Variants in BSN observed in about 807,000 individuals in gnomAD.
BSN encodes bassoon presynaptic cytomatrix protein.
In BSN, 57 loss-of-function variants were observed where a neutral mutation model predicts 264.8. The observed-to-expected ratio is 0.22, with a 90% CI of 0.17 to 0.27. BSN has a LOEUF of 0.27. Among genes scored for constraint, BSN ranks in the 10% least tolerant of loss-of-function variants. The probability of loss-of-function intolerance (pLI) is 1.00; values close to 1 mark genes in which losing one functional copy is unlikely to be tolerated. For missense variants in BSN, 4,615 were observed against 5,232.5 expected (o/e 0.88, Z 3.64); for synonymous variants, 2,059 against 2,137.3 (o/e 0.96, Z 1.01).
intron 1 of BSN, among the ~76,000 whole-genome samples, chr3:49,622,963 C>A (rs2052316601): frequency 1.3e-5 from 2 of 152,110 alleles, no homozygotes; most frequent in Non-Finnish European, 2.9e-5. Flanking sequence ...TGGTTGATGA[C>A]AGGAATGTTA....
Position 49,653,639 on chromosome 3 carries a change from C to T in BSN, c.4083C>T (p.Ala1361=), listed in dbSNP as rs199816785. ...QDPLKLHSSP[A]SPSSASKEIG... ...CCCTCAAGCTGCACAGCTCTCCTGC[C>T]TCCCCCAGCTCAGCCTCCAAGGAGA... is the stretch of plus-strand genomic sequence containing the variant. The change falls in exon 5 of 12, where the codon GCC becomes GCT. Residue 1361 remains alanine, a synonymous_variant. Transcript: ENST00000296452. The surrounding 1 kb of genome is among the most constrained non-coding windows in gnomAD (Gnocchi z 6.3). 317 of 1,613,818 alleles carry T rather than the reference C, an allele frequency of 2.0e-4. 1 individual carries two copies. In the South Asian group the frequency reaches 2.5e-3, roughly 13 times the overall value.
chr3:49,665,002 G>A, intron 10 of BSN, 149 bp downstream of exon 10: 1 of 661,076 alleles, frequency 1.5e-6, no homozygotes, highest in South Asian at 1.8e-5. Flanking sequence ...TCCCTTCTCT[G>A]AATGTGGGAG....
At position 49,625,689 on chromosome 3, in the gene BSN, A is replaced by G. The variant is rs888771602; in HGVS notation, c.633+306A>G. 5.9e-5 allele frequency among the ~76,000 whole-genome samples: 9 copies of G among 152,216 alleles called. No homozygotes were observed. The highest frequency in any genetic ancestry group is 1.3e-4 in the Admixed American group (2 of 15,282). On this transcript the variant is annotated intron_variant, in intron 2 of 11. Transcript: ENST00000296452. The surrounding 1 kb of genome is among the most constrained non-coding windows in gnomAD (Gnocchi z 4.4). ...ATGGCCTTCGAGAGGACCAAAGACA[A>G]TCTTATGAACAATTTTTCCCAATGG...
At chr3:49,587,979 T>C (rs2051949734) in intron 1 of BSN, among the ~76,000 whole-genome samples, 1 of 149,538 alleles carries the variant, frequency 6.7e-6, no homozygotes, top group Non-Finnish European at 1.5e-5. Flanking sequence ...TGGAGTGCAG[T>C]GGCGCAATCT....
intron 1 of BSN, among the ~76,000 whole-genome samples, chr3:49,570,657 A>T (rs2051788546): frequency 2.0e-5 from 3 of 152,126 alleles, no homozygotes; most frequent in Admixed American, 2.0e-4. Context: ...AAACAAAGAA[A>T]AACCTCTACA....
rs1490968470 is a variant in BSN, at chr3:49,657,738, G to C, written c.8182G>C (p.Gly2728Arg). 1.3e-6 allele frequency: 2 copies of C among 1,548,812 alleles called. No homozygotes were observed. The highest frequency in any genetic ancestry group is 2.7e-5 in the African/African-American group (2 of 73,310). ...CQTEPDGQAQ[G>R]VAGPQLVGPT... ...GACGGAGCCAGATGGGCAGGCCCAGGGTGTAGCCGGGCCGCAGCTTGTAGG... is the reference window on the plus strand; with the variant it reads ...GACGGAGCCAGATGGGCAGGCCCAGCGTGTAGCCGGGCCGCAGCTTGTAGG... The change falls in exon 5 of 12, where the codon GGT becomes CGT. Residue 2728 changes from glycine to arginine, a missense_variant. Gly to Arg is a moderately radical substitution (Grantham distance 125). Coordinates refer to ENST00000296452, the MANE Select transcript of BSN (RefSeq NM_003458.4).
chr3:49,578,504 T>C (rs2051865191), intron 1 of BSN, among the ~76,000 whole-genome samples: 1 of 151,806 alleles, frequency 6.6e-6, no homozygotes, highest in Admixed American at 6.6e-5. Flanking sequence ...GCCTCCTGGG[T>C]TCACGCCATT....
At chr3:49,568,006 G>A (rs1353294086) in intron 1 of BSN, among the ~76,000 whole-genome samples, 1 of 152,176 alleles carries the variant, frequency 6.6e-6, no homozygotes, top group Non-Finnish European at 1.5e-5. Context: ...TCCAAGGGTG[G>A]GGAGAGGGCA....
intron 1 of BSN, among the ~76,000 whole-genome samples, chr3:49,601,812 T>C (rs2052075057): frequency 1.3e-5 from 2 of 152,342 alleles, no homozygotes; most frequent in South Asian, 2.1e-4. Flanking sequence ...GAGGTAGTTA[T>C]TAGATTTCTG....
chr3:49,606,330 T>TATTATATATATTAAA (rs1559603764), intron 1 of BSN, among the ~76,000 whole-genome samples: 11 of 50,510 alleles, frequency 2.2e-4, no homozygotes, highest in African/African-American at 5.3e-4. Flanking sequence ...TAAAAATATA[T>TATTATATATATTAAA]ATATATTTTT....
chr3:49,652,896 G>T lies in BSN; in HGVS notation c.3340G>T (p.Glu1114Ter). 1 of 1,609,626 alleles carries T rather than the reference G, an allele frequency of 6.2e-7. No individual in the cohort carries two copies. The change falls in exon 5 of 12, where the codon GAG becomes TAG. Residue 1114 changes from glutamate to a stop codon, truncating the protein, a stop_gained. Coordinates refer to ENST00000296452, the MANE Select transcript of BSN (RefSeq NM_003458.4). LOFTEE classifies it high-confidence loss of function. ...GACGGAGGAGCTGAGGCAGGCGGCC[G>T]AGATGGAGGAGCTACACCGCTCCTC... ...SPTEELRQAA[E>*]MEELHRSSCS...
chr3:49,579,969 T>C (rs2051882482), intron 1 of BSN, among the ~76,000 whole-genome samples: 1 of 152,208 alleles, frequency 6.6e-6, no homozygotes, highest in Admixed American at 6.5e-5. Flanking sequence ...TTATATTAAA[T>C]CCTTTCTATA....
intron 1 of BSN, among the ~76,000 whole-genome samples, chr3:49,578,683 G>C (rs904488440): frequency 2.0e-5 from 3 of 151,974 alleles, no homozygotes; most frequent in Non-Finnish European, 4.4e-5. Context: ...TGGGATTACA[G>C]GTGTGAACCA....
At chr3:49,664,967 G>A (rs2052701427) in intron 10 of BSN, 114 bp downstream of exon 10, 1 of 783,836 alleles carries the variant, frequency 1.3e-6, no homozygotes, top group Admixed American at 2.0e-5. Context: ...GTCTTCGGCT[G>A]GTTCAGTACC....
At chr3:49,573,286 C>G (rs992390232) in intron 1 of BSN, among the ~76,000 whole-genome samples, 2 of 152,134 alleles carry the variant, frequency 1.3e-5, no homozygotes, top group Admixed American at 6.5e-5. Flanking sequence ...GTCAAGCCTT[C>G]TAGGCAGGTG....
At chr3:49,626,049 A>T (rs2052339514) in intron 2 of BSN, among the ~76,000 whole-genome samples, 1 of 152,150 alleles carries the variant, frequency 6.6e-6, no homozygotes, top group South Asian at 2.1e-4. Context: ...CTGTAGGACC[A>T]TTTCTGTGAG....
In BSN at chr3:49,651,997, A is replaced by C. The variant is rs745907472; in HGVS notation, c.2441A>C (p.Tyr814Ser). ...TTTGGCAGCCAATTGAGGCACGACT[A>C]TGTGGAGGACAGCAGTGAGGGTGGC... ...DDFGSQLRHD[Y>S]VEDSSEGGLS... The change falls in exon 5 of 12, where the codon TAT becomes TCT. Residue 814 changes from tyrosine (Y) to serine (S), a missense_variant. By Grantham distance (144) the Tyr-to-Ser change is moderately radical (BLOSUM62 -2). Transcript: ENST00000296452. The surrounding 1 kb of genome is among the most constrained non-coding windows in gnomAD (Gnocchi z 5.4). 1.2e-6 allele frequency: 2 copies of C among 1,613,538 alleles called. No individual in the cohort carries two copies. Among genetic ancestry groups the C allele is most frequent in the South Asian group, 1.1e-5 (1 of 90,994 alleles).
At chr3:49,594,876 G>A (rs78543778) in intron 1 of BSN, among the ~76,000 whole-genome samples, 3,589 of 143,376 alleles carry the variant, frequency 0.025, 156 homozygotes, top group African/African-American at 0.087. Flanking sequence ...AATTTTTAAC[G>A]TACAGATCCT....
At chr3:49,569,950 C>T (rs1041648478) in intron 1 of BSN, among the ~76,000 whole-genome samples, 4 of 152,106 alleles carry the variant, frequency 2.6e-5, no homozygotes, top group African/African-American at 4.8e-5. Flanking sequence ...GAGGGAGTTC[C>T]AGGTCTGGGG....
Sources: gnomAD v4.1 joint callset for allele counts (sites outside exome capture counted in the v4.1 genomes callset) on GRCh38, gnomAD v4.1.1 for gene constraint, Gnocchi (gnomAD v3.1) non-coding constraint, MANE v1.5 for transcripts, NCBI Gene and HGNC (gene_info 2026-07-23, HGNC 2026-07-21) for gene names.